Variants in DNAH14 observed in about 807,000 individuals in gnomAD.
DNAH14 encodes axonemal beta dynein heavy chain 14.
In DNAH14, 478 loss-of-function variants were observed where a neutral mutation model predicts 520.9. That is an observed-to-expected ratio of 0.92 (90% CI 0.85 to 0.99). The LOEUF is 0.99. DNAH14 is among the 50% of genes least tolerant of loss of function. The pLI, the probability that DNAH14 is intolerant of heterozygous loss-of-function variation, is 0.00. For synonymous variants in DNAH14, 1,581 were observed against 1,757.2 expected (o/e 0.90, Z 2.51); for missense variants, 4,831 against 5,234.5 (o/e 0.92, Z 2.38).
chr1:225,226,232 G>T (rs2090518348), intron 41 of DNAH14, among the ~76,000 whole-genome samples: 1 of 152,156 alleles, frequency 6.6e-6, no homozygotes. Context: ...AGGAGGGATT[G>T]ACTTACCCCC....
At chr1:225,256,717 T>C (rs563546273) in intron 44 of DNAH14, among the ~76,000 whole-genome samples, 9 of 152,232 alleles carry the variant, frequency 5.9e-5, no homozygotes, top group African/African-American at 2.2e-4. Flanking sequence ...CCAAATTCCA[T>C]ACAGAAATGT....
At chr1:225,388,355 G>GCGAC in intron 81 of DNAH14, 24 bp from the exon 82 acceptor site, 1 of 1,411,056 alleles carries the variant, frequency 7.1e-7, no homozygotes, top group Non-Finnish European at 9.7e-7. Context: ...AAAAAATGAT[G>GCGAC]TGACTGTCTT....
At chr1:225,259,967 T>C (rs1291743523) in intron 46 of DNAH14, among the ~76,000 whole-genome samples, 1 of 152,094 alleles carries the variant, frequency 6.6e-6, no homozygotes, top group Admixed American at 6.6e-5. Flanking sequence ...ATTTAAAAAA[T>C]CCATTTAAAT....
At chr1:225,352,467 T>C (rs1236160754) in intron 72 of DNAH14, among the ~76,000 whole-genome samples, 4 of 152,180 alleles carry the variant, frequency 2.6e-5, no homozygotes, top group Non-Finnish European at 4.4e-5. Flanking sequence ...CCTTTGCTTT[T>C]ATTTCTGTAA....
chr1:225,130,056 A>C (rs2078222004), intron 27 of DNAH14, among the ~76,000 whole-genome samples: 1 of 152,228 alleles, frequency 6.6e-6, no homozygotes. Context: ...CAGCCAAAAG[A>C]CACATGAAAA....
intron 41 of DNAH14, among the ~76,000 whole-genome samples, chr1:225,217,610 C>T (rs1024213441): frequency 1.3e-5 from 2 of 152,298 alleles, no homozygotes; most frequent in East Asian, 3.9e-4. Context: ...GGTGGACGCC[C>T]CTCCCCCAGC....
At chr1:225,167,854 C>A (rs2082184943) in intron 35 of DNAH14, 85 bp from the exon 36 acceptor site, 1 of 691,990 alleles carries the variant, frequency 1.4e-6, no homozygotes. Flanking sequence ...GTAATTGGTA[C>A]CTAGTTAAGA....
At chr1:224,952,561 A>G (rs529842934) in intron 1 of DNAH14, 109 bp from the exon 2 acceptor site, 28 of 534,798 alleles carry the variant, frequency 5.2e-5, no homozygotes, top group African/African-American at 3.9e-4. Context: ...AGGATATTAT[A>G]TTAAGCCTAT....
intron 37 of DNAH14, among the ~76,000 whole-genome samples, chr1:225,188,704 G>A (rs1324424547): frequency 1.3e-5 from 2 of 151,858 alleles, no homozygotes; most frequent in Non-Finnish European, 2.9e-5. Flanking sequence ...TTAAGGATTG[G>A]CTTTTCCATT....
intron 17 of DNAH14, 118 bp downstream of exon 17, chr1:225,051,913 G>GA (rs1171775788): frequency 5.7e-6 from 4 of 701,840 alleles, no homozygotes; most frequent in Non-Finnish European, 8.6e-6. Flanking sequence ...TGATAAAGGT[G>GA]AAAAAATGAA....
At chr1:225,196,243 C>T (rs1469568963) in intron 38 of DNAH14, among the ~76,000 whole-genome samples, 1 of 152,076 alleles carries the variant, frequency 6.6e-6, no homozygotes, top group Non-Finnish European at 1.5e-5. Context: ...TAGCTTAGCT[C>T]CCCCTTATAA....
At chr1:225,229,174 G>A (rs571269059) in intron 41 of DNAH14, among the ~76,000 whole-genome samples, 1 of 152,332 alleles carries the variant, frequency 6.6e-6, no homozygotes, top group African/African-American at 2.4e-5. Flanking sequence ...GCAGTGCTGA[G>A]CCATGTGGTT....
chr1:225,132,634 T>G (rs1243836943), intron 27 of DNAH14, among the ~76,000 whole-genome samples: 1 of 152,254 alleles, frequency 6.6e-6, no homozygotes, highest in African/African-American at 2.4e-5. Context: ...AGCATTTTTG[T>G]TGATTCCATG....
chr1:225,229,750 T>C (rs532150666), intron 41 of DNAH14, among the ~76,000 whole-genome samples: 53 of 150,992 alleles, frequency 3.5e-4, no homozygotes, highest in Non-Finnish European at 6.8e-4. Context: ...GGGAACATCA[T>C]ACACTGGGGC....
chr1:225,215,416 A>C (rs2089163490), intron 41 of DNAH14, among the ~76,000 whole-genome samples: 1 of 152,184 alleles, frequency 6.6e-6, no homozygotes, highest in Admixed American at 6.5e-5. Flanking sequence ...GTAGATTTCT[A>C]TGAGGCCTGC....
intron 17 of DNAH14, among the ~76,000 whole-genome samples, chr1:225,056,892 C>A (rs994349701): frequency 1.3e-5 from 2 of 152,098 alleles, no homozygotes; most frequent in African/African-American, 4.8e-5. Context: ...TGGTCTATAT[C>A]TCTGTTTTGG....
chr1:225,324,481 T>A, intron 63 of DNAH14, 128 bp downstream of exon 63: 1 of 1,264,836 alleles, frequency 7.9e-7, no homozygotes, highest in Non-Finnish European at 1.1e-6. Flanking sequence ...AACACTTTAA[T>A]CAAATGTTAT....
At chr1:224,960,354 T>G (rs2060768523) in intron 4 of DNAH14, 52 bp downstream of exon 4, 2 of 1,446,284 alleles carry the variant, frequency 1.4e-6, no homozygotes, top group African/African-American at 1.4e-5. Context: ...CTTTTTCAGA[T>G]TATTCTGTGG....
intron 4 of DNAH14, among the ~76,000 whole-genome samples, chr1:224,962,760 T>C (rs2060923692): frequency 6.6e-6 from 1 of 152,204 alleles, no homozygotes; most frequent in South Asian, 2.1e-4. Flanking sequence ...ATGTTTTCTT[T>C]CCAGCTTTTT....
Sources: gnomAD v4.1 joint callset for allele counts (sites outside exome capture counted in the v4.1 genomes callset) on GRCh38, gnomAD v4.1.1 for gene constraint, MANE v1.5 for transcripts, NCBI Gene and HGNC (gene_info 2026-07-23, HGNC 2026-07-21) for gene names.